NCKAP5: variants seen among roughly 807,000 people sequenced by gnomAD.
NCKAP5 encodes the protein nck-associated protein 5.
NCKAP5 carries 92 observed loss-of-function variants against 167.0 expected under a neutral mutation model. That is an observed-to-expected ratio of 0.55 (90% CI 0.47 to 0.66). The LOEUF (loss-of-function observed/expected upper bound fraction) is 0.66. NCKAP5 is among the 30% of genes least tolerant of loss of function. The pLI is 0.00. For missense variants in NCKAP5, 2,378 were observed against 2,315.0 expected (o/e 1.03, Z -0.56); for synonymous variants, 891 against 877.4 (o/e 1.02, Z -0.27).
At chr2:132,869,473 A>T (rs1401228898) in intron 9 of NCKAP5, among the ~76,000 whole-genome samples, 1 of 152,116 alleles carries the variant, frequency 6.6e-6, no homozygotes, top group African/African-American at 2.4e-5. Context: ...TCCTGCTTTC[A>T]TCTTCAATGT....
At chr2:132,694,402 G>C (rs905712373) in intron 19 of NCKAP5, among the ~76,000 whole-genome samples, 2 of 152,094 alleles carry the variant, frequency 1.3e-5, no homozygotes, top group African/African-American at 4.8e-5. Context: ...AGCTCACCTT[G>C]TTTGGTCACT....
At chr2:132,761,577 T>C (rs1432551248) in intron 16 of NCKAP5, among the ~76,000 whole-genome samples, 1 of 152,356 alleles carries the variant, frequency 6.6e-6, no homozygotes, top group East Asian at 1.9e-4. Context: ...TCCTATACTT[T>C]AGTAGATGTG....
chr2:132,801,090 A>G (rs1381667572), intron 11 of NCKAP5, among the ~76,000 whole-genome samples: 1 of 152,132 alleles, frequency 6.6e-6, no homozygotes, highest in Non-Finnish European at 1.5e-5. Context: ...TACCTCCCTC[A>G]TATAGTCTTC....
At chr2:133,181,603 C>CAA (rs34264277) in intron 5 of NCKAP5, among the ~76,000 whole-genome samples, 2,801 of 70,916 alleles carry the variant, frequency 0.039, 103 homozygotes, top group African/African-American at 0.062. Flanking sequence ...CCCATCTCTA[C>CAA]AAAAAAAAAA....
intron 19 of NCKAP5, among the ~76,000 whole-genome samples, chr2:132,703,159 T>A (rs1038810052): frequency 6.6e-6 from 1 of 152,154 alleles, no homozygotes; most frequent in African/African-American, 2.4e-5. Context: ...CTAGCCTAGA[T>A]GACAGAGTGA....
intron 19 of NCKAP5, 116 bp from the exon 20 acceptor site, chr2:132,673,421 A>C: frequency 1.2e-6 from 1 of 800,996 alleles, no homozygotes; most frequent in Non-Finnish European, 1.7e-6. Flanking sequence ...GAGAAAACCT[A>C]CAAGTCTTTA....
chr2:132,839,539 T>A (rs1227821631), intron 11 of NCKAP5, among the ~76,000 whole-genome samples: 2 of 151,758 alleles, frequency 1.3e-5, no homozygotes, highest in Non-Finnish European at 2.9e-5. Flanking sequence ...GGCGGGCAGA[T>A]TGCTTAAGCG....
At chr2:133,557,422 C>G (rs1687819695) in intron 2 of NCKAP5, among the ~76,000 whole-genome samples, 1 of 152,174 alleles carries the variant, frequency 6.6e-6, no homozygotes, top group Non-Finnish European at 1.5e-5. Context: ...TATAACCATA[C>G]TTCAGACTAC....
chr2:133,408,689 C>T (rs1380629780), intron 3 of NCKAP5, among the ~76,000 whole-genome samples: 1 of 152,250 alleles, frequency 6.6e-6, no homozygotes, highest in Non-Finnish European at 1.5e-5. Flanking sequence ...CCCAGCTATG[C>T]TGACTGTAGG....
chr2:133,068,227 A>G (rs76586333), intron 6 of NCKAP5, among the ~76,000 whole-genome samples: 2,072 of 152,270 alleles, frequency 0.014, 19 homozygotes, highest in South Asian at 0.032. Flanking sequence ...TTGTGGGCAC[A>G]CAAGTGTCCA....
chr2:133,056,194 C>A (rs568350458), intron 6 of NCKAP5, among the ~76,000 whole-genome samples: 1 of 152,242 alleles, frequency 6.6e-6, no homozygotes, highest in African/African-American at 2.4e-5. Context: ...TCCAGAACAT[C>A]TCTGTCCCCT....
chr2:133,135,931 C>T (rs925802881), intron 5 of NCKAP5, among the ~76,000 whole-genome samples: 2 of 152,116 alleles, frequency 1.3e-5, no homozygotes, highest in South Asian at 4.1e-4. Context: ...CTCTGTATAA[C>T]ATTTGTCTTT....
chr2:132,739,907 C>A (rs1400295807), intron 16 of NCKAP5, among the ~76,000 whole-genome samples: 1 of 152,108 alleles, frequency 6.6e-6, no homozygotes, highest in Non-Finnish European at 1.5e-5. Flanking sequence ...AAAGCCTATA[C>A]AAATGATGTC....
intron 7 of NCKAP5, among the ~76,000 whole-genome samples, chr2:132,968,140 CT>C (rs1427210291): frequency 6.6e-6 from 1 of 152,106 alleles, no homozygotes; most frequent in Non-Finnish European, 1.5e-5. Flanking sequence ...CATAGAGGGT[CT>C]TTCTAGGCAT....
At chr2:132,682,119 A>AT (rs200949437) in intron 19 of NCKAP5, among the ~76,000 whole-genome samples, 102 of 151,878 alleles carry the variant, frequency 6.7e-4, no homozygotes, top group Non-Finnish European at 1.2e-3. Flanking sequence ...AAAAAGAAGA[A>AT]TTTTTTTTTG....
At chr2:132,920,771 G>GTATATATATGTATGTATGTGTGTATA (rs1695334692) in intron 8 of NCKAP5, among the ~76,000 whole-genome samples, 1 of 31,570 alleles carries the variant, frequency 3.2e-5, no homozygotes, top group African/African-American at 1.1e-4. Context: ...ATATATGTAT[G>GTATATATATGTATGTATGTGTGTATA]TATATATATA....
At chr2:132,937,467 T>C (rs1190838211) in intron 8 of NCKAP5, among the ~76,000 whole-genome samples, 23 of 152,190 alleles carry the variant, frequency 1.5e-4, no homozygotes. Flanking sequence ...GAGTCTTACT[T>C]TTGTAAACGC....
intron 4 of NCKAP5, among the ~76,000 whole-genome samples, chr2:133,262,679 C>T (rs74662904): frequency 3.1e-3 from 477 of 152,338 alleles, no homozygotes; most frequent in Non-Finnish European, 5.0e-3. Context: ...TGCACCTCTA[C>T]CCTGCAGCAA....
At chr2:133,287,394 A>G (rs1679227884) in intron 4 of NCKAP5, among the ~76,000 whole-genome samples, 1 of 152,230 alleles carries the variant, frequency 6.6e-6, no homozygotes, top group Non-Finnish European at 1.5e-5. Context: ...CAATTGGCCA[A>G]TATAACTGAA....
Sources: gnomAD v4.1 joint callset for allele counts (sites outside exome capture counted in the v4.1 genomes callset) on GRCh38, gnomAD v4.1.1 for gene constraint, MANE v1.5 for transcripts, NCBI Gene and HGNC (gene_info 2026-07-23, HGNC 2026-07-21) for gene names.